The following CFAP20DC variants were observed in gnomAD, a reference collection of about 807,000 sequenced individuals.
CFAP20DC encodes protein CFAP20DC.
Under a neutral mutation model 101.7 loss-of-function variants are expected in CFAP20DC, and 84 were observed. The ratio of observed to expected loss-of-function variants is 0.83; its 90% CI spans 0.69 to 0.99. CFAP20DC has a LOEUF of 0.99. Among genes scored for constraint, CFAP20DC ranks in the 50% least tolerant of loss-of-function variants. CFAP20DC has a pLI of 0.00. For synonymous variants in CFAP20DC, 359 were observed against 351.2 expected (o/e 1.02, Z -0.25); for missense variants, 1,007 against 970.3 (o/e 1.04, Z -0.50).
intron 4 of CFAP20DC, among the ~76,000 whole-genome samples, chr3:59,012,062 T>C (rs1362708266): frequency 6.6e-6 from 1 of 152,206 alleles, no homozygotes. Flanking sequence ...TATCTCTTCA[T>C]AGAACTCACA....
At chr3:58,765,489 C>T in intron 15 of CFAP20DC, among the ~76,000 whole-genome samples, 1 of 108,720 alleles carries the variant, frequency 9.2e-6, no homozygotes, top group East Asian at 2.9e-4. Context: ...AAAAAAAAAA[C>T]CAAAAAAAAA....
chr3:58,746,975 G>A lies in CFAP20DC; in HGVS notation c.2333-4403C>T, dbSNP rs58986338. On this transcript the variant is annotated intron_variant, in intron 16 of 16. Coordinates refer to ENST00000482387, the MANE Select transcript of CFAP20DC (RefSeq NM_001394063.1). ...GGAAATGTTTTGAAAGGTAATTATC[G>A]TGGATGGGTATGGGGTAATTTTCAA... is the stretch of plus-strand genomic sequence containing the variant. Among the ~76,000 whole-genome samples the A allele has an allele frequency of 2.5e-3, 374 of 152,218 alleles. 2 individuals are homozygous for A. The highest frequency in any genetic ancestry group is 8.5e-3 in the African/African-American group (352 of 41,544).
chr3:58,839,765 AC>A (rs1350786345), intron 13 of CFAP20DC, among the ~76,000 whole-genome samples: 8 of 152,172 alleles, frequency 5.3e-5, no homozygotes, highest in Middle Eastern at 3.2e-3. Flanking sequence ...AATTTCCGAA[AC>A]TTTTGAGAAC....
At chr3:58,745,469 G>T (rs1432403246) in intron 16 of CFAP20DC, among the ~76,000 whole-genome samples, 1 of 152,110 alleles carries the variant, frequency 6.6e-6, no homozygotes, top group Non-Finnish European at 1.5e-5. Flanking sequence ...ATACACTGGG[G>T]GCGAATGGAA....
At chr3:58,954,100 A>G (rs1344281312) in intron 4 of CFAP20DC, among the ~76,000 whole-genome samples, 1 of 152,188 alleles carries the variant, frequency 6.6e-6, no homozygotes, top group Non-Finnish European at 1.5e-5. Context: ...CAAACTTAAC[A>G]TCTACATTTG....
In CFAP20DC at chr3:58,799,070, T is replaced by C. The variant is rs759522663; in HGVS notation, c.2237+7325A>G. ...TGAGGTACGCTTGTATGTATATATA[T>C]AATGTGTATATATGTATGTGTATGC... On this transcript the variant is annotated intron_variant, in intron 15 of 16. Coordinates refer to ENST00000482387, the MANE Select transcript of CFAP20DC (RefSeq NM_001394063.1). This position sits in a 1 kb window ranked among gnomAD's most constrained non-coding sequence, Gnocchi z 4.9. Among the ~76,000 whole-genome samples, 3 of 152,168 alleles carry C rather than the reference T, an allele frequency of 2.0e-5. No individual in the cohort carries two copies. Among genetic ancestry groups the C allele is most frequent in the Non-Finnish European group, 4.4e-5 (3 of 68,024 alleles).
intron 6 of CFAP20DC, among the ~76,000 whole-genome samples, chr3:58,911,567 T>A (rs1260641919): frequency 6.6e-6 from 1 of 152,158 alleles, no homozygotes; most frequent in East Asian, 1.9e-4. Flanking sequence ...TGTACACTTA[T>A]GATTTCTGCA....
chr3:58,862,891 G>A, intron 12 of CFAP20DC: 2 of 980,190 alleles, frequency 2.0e-6, no homozygotes, highest in Non-Finnish European at 2.4e-6. Flanking sequence ...AGTTATCAAT[G>A]TATTAGGTTT....
In CFAP20DC at chr3:59,047,172, A is replaced by G; in HGVS notation, c.104T>C (p.Ile35Thr). 1 of 1,531,790 alleles carries G rather than the reference A, an allele frequency of 6.5e-7. No individual in the cohort carries two copies. The highest frequency in any genetic ancestry group is 2.4e-5 in the East Asian group (1 of 40,864). The allele number at this position is 1,531,790 out of a possible 1,614,324, so 94.9% of individuals were successfully genotyped here. Residue 35 changes from isoleucine (I) to threonine (T), a missense_variant, in exon 2 of 17, where the codon ATT (isoleucine) becomes ACT (threonine). Physicochemically the swap from Ile to Thr is moderately conservative, Grantham distance 89. Coordinates refer to ENST00000482387, the MANE Select transcript of CFAP20DC (RefSeq NM_001394063.1). ...KWKILGSPSV[I>T]WKEFDKEVKS... ...CTAATTTCTAATACTTACTTTCCAA[A>G]TCACAGATGGACTACCAAGGATCTT...
intron 4 of CFAP20DC, among the ~76,000 whole-genome samples, chr3:59,021,488 G>C (rs2093801895): frequency 6.6e-6 from 1 of 151,962 alleles, no homozygotes. Flanking sequence ...CAGTCCATCT[G>C]CCCACCCTGC....
chr3:59,024,134 T>C (rs757542503), intron 4 of CFAP20DC, among the ~76,000 whole-genome samples: 1 of 151,280 alleles, frequency 6.6e-6, no homozygotes, highest in Non-Finnish European at 1.5e-5. Context: ...GCCACCCATA[T>C]CTTCATTCTG....
intron 6 of CFAP20DC, among the ~76,000 whole-genome samples, chr3:58,902,232 G>A (rs1472821404): frequency 6.6e-6 from 1 of 152,120 alleles, no homozygotes; most frequent in Non-Finnish European, 1.5e-5. Flanking sequence ...TTTGGCTAAT[G>A]TGAATTGTGC....
At position 58,913,071 on chromosome 3, in the gene CFAP20DC, C is replaced by G. The variant is rs1163250429; in HGVS notation, c.550+637G>C. ...CAACCTAGACTCCACAGGACAGAAACAGCCACACCAAACGTTTTCAGTGGA... is the reference window on the plus strand; with the variant it reads ...CAACCTAGACTCCACAGGACAGAAAGAGCCACACCAAACGTTTTCAGTGGA... On this transcript the variant is annotated intron_variant, in intron 6 of 16. Transcript: ENST00000482387. The surrounding 1 kb of genome is among the most constrained non-coding windows in gnomAD (Gnocchi z 4.4). Among the ~76,000 whole-genome samples the G allele has an allele frequency of 1.3e-5, 2 of 152,154 alleles. No homozygotes were observed. Among genetic ancestry groups the G allele is most frequent in the Non-Finnish European group, 2.9e-5 (2 of 68,028 alleles).
chr3:58,747,053 C>G (rs1303450242), intron 16 of CFAP20DC, among the ~76,000 whole-genome samples: 1 of 151,874 alleles, frequency 6.6e-6, no homozygotes, highest in Non-Finnish European at 1.5e-5. Flanking sequence ...CTAAATTGCT[C>G]TATTTAAAGA....
intron 4 of CFAP20DC, chr3:58,992,502 C>G: frequency 2.2e-6 from 2 of 921,414 alleles, no homozygotes; most frequent in Non-Finnish European, 1.3e-6. Context: ...AAGAAAAAAA[C>G]CTCACCTCGT....
At chr3:58,814,015 C>T (rs1180593794) in intron 14 of CFAP20DC, among the ~76,000 whole-genome samples, 1 of 151,860 alleles carries the variant, frequency 6.6e-6, no homozygotes, top group Non-Finnish European at 1.5e-5. Flanking sequence ...TCTGGACAAA[C>T]TCACACTGGT....
chr3:58,959,575 T>A (rs2090954826), intron 4 of CFAP20DC, among the ~76,000 whole-genome samples: 1 of 152,230 alleles, frequency 6.6e-6, no homozygotes, highest in South Asian at 2.1e-4. Context: ...CAACTGGCCA[T>A]AAATGTAAGG....
chr3:58,926,900 T>C (rs962428508), intron 5 of CFAP20DC, among the ~76,000 whole-genome samples: 16 of 152,336 alleles, frequency 1.1e-4, no homozygotes, highest in African/African-American at 3.4e-4. Flanking sequence ...TATCTCATAA[T>C]TGAACTTCTT....
At chr3:58,986,600 G>A (rs555946921) in intron 4 of CFAP20DC, among the ~76,000 whole-genome samples, 15 of 152,082 alleles carry the variant, frequency 9.9e-5, no homozygotes, top group African/African-American at 2.2e-4. Flanking sequence ...GTAAAAAGTC[G>A]ACTGTGAGAA....
Sources: allele counts gnomAD v4.1 joint callset (sites outside exome capture counted in the v4.1 genomes callset), GRCh38; gene constraint gnomAD v4.1.1; non-coding constraint Gnocchi (gnomAD v3.1); transcripts MANE v1.5; gene names NCBI Gene and HGNC (gene_info 2026-07-23, HGNC 2026-07-21).